The following KCNB2 variants were observed in gnomAD, a reference collection of about 807,000 sequenced individuals.
The protein encoded by KCNB2 is potassium voltage-gated channel subfamily B member 2.
In KCNB2, 15 loss-of-function variants were observed where a neutral mutation model predicts 61.5. The observed-to-expected ratio is 0.24, with a 90% CI of 0.16 to 0.38. The LOEUF (loss-of-function observed/expected upper bound fraction) is 0.38, where lower values mean the gene tolerates loss of function less well. Among genes scored for constraint, KCNB2 ranks in the 10% least tolerant of loss-of-function variants. The pLI is 1.00. For synonymous variants in KCNB2, 457 were observed against 446.0 expected (o/e 1.02, Z -0.31); for missense variants, 828 against 1,125.2 (o/e 0.74, Z 3.78).
rs572985273 is a variant in KCNB2, at chr8:72,570,724, A to G, written c.579+2411A>G. Among the ~76,000 whole-genome samples, 717 of 152,310 alleles carry G rather than the reference A, an allele frequency of 4.7e-3. 7 individuals carry two copies. Among genetic ancestry groups the G allele is most frequent in the African/African-American group, 0.016 (676 of 41,574 alleles). On this transcript the variant is annotated intron_variant, in intron 2 of 2. Transcript: ENST00000523207. ...ACTATTTACTTTATTGTATGGGTAC[A>G]TCAGGCTATTTTCTATGTTGTGAAG...
rs558147679 is a variant in KCNB2, at chr8:72,621,110, G to A, written c.579+52797G>A. ...ATATGAGTCTTCACTTTTGATACAA[G>A]AAATAAGATCACAAGTTTATGGGAA... On this transcript the variant is annotated intron_variant, in intron 2 of 2. Transcript: ENST00000523207. Among the ~76,000 whole-genome samples the A allele has an allele frequency of 4.7e-4, 71 of 152,240 alleles. No homozygotes were observed. The South Asian group carries it at 0.014, about 31-fold the overall frequency.
At chr8:72,670,061 G>T (rs1211216606) in intron 2 of KCNB2, among the ~76,000 whole-genome samples, 1 of 152,134 alleles carries the variant, frequency 6.6e-6, no homozygotes, top group Non-Finnish European at 1.5e-5. Flanking sequence ...TTCATTAGTA[G>T]CATAAGGACA....
intron 2 of KCNB2, among the ~76,000 whole-genome samples, chr8:72,896,999 T>C (rs1021484354): frequency 2.6e-5 from 4 of 152,166 alleles, no homozygotes; most frequent in African/African-American, 9.7e-5. Flanking sequence ...AAATACAGAC[T>C]AGGGTTGTGC....
At chr8:72,847,588 G>A (rs1810017448) in intron 2 of KCNB2, among the ~76,000 whole-genome samples, 1 of 152,158 alleles carries the variant, frequency 6.6e-6, no homozygotes. Context: ...CCAAGGATGG[G>A]AAATCACTTT....
intron 2 of KCNB2, among the ~76,000 whole-genome samples, chr8:72,866,082 T>G (rs1805512029): frequency 6.6e-6 from 1 of 152,212 alleles, no homozygotes; most frequent in Non-Finnish European, 1.5e-5. Flanking sequence ...ATTCAGATGT[T>G]GGAAATGAGG....
At chr8:72,778,337 C>T (rs1160436218) in intron 2 of KCNB2, among the ~76,000 whole-genome samples, 2 of 152,046 alleles carry the variant, frequency 1.3e-5, no homozygotes, top group Non-Finnish European at 2.9e-5. Flanking sequence ...CCAATCCTTT[C>T]GGTGCAGCAG....
intron 2 of KCNB2, among the ~76,000 whole-genome samples, chr8:72,852,863 G>A (rs928280746): frequency 6.6e-6 from 1 of 152,160 alleles, no homozygotes; most frequent in Non-Finnish European, 1.5e-5. Flanking sequence ...ATAAATCTGT[G>A]ATCATAACAC....
intron 2 of KCNB2, among the ~76,000 whole-genome samples, chr8:72,660,407 C>T (rs1806359819): frequency 6.6e-6 from 1 of 152,186 alleles, no homozygotes; most frequent in Admixed American, 6.5e-5. Context: ...GATGCTGGAC[C>T]TGACTTCCTG....
intron 2 of KCNB2, among the ~76,000 whole-genome samples, chr8:72,840,630 G>A (rs1440034904): frequency 6.6e-6 from 1 of 152,130 alleles, no homozygotes; most frequent in Non-Finnish European, 1.5e-5. Context: ...TCTCATTGTG[G>A]TTTTGATTTG....
intron 2 of KCNB2, among the ~76,000 whole-genome samples, chr8:72,628,156 G>A (rs527367122): frequency 6.6e-6 from 1 of 152,098 alleles, no homozygotes; most frequent in African/African-American, 2.4e-5. Context: ...GTTTTGGCAT[G>A]TTGCCCAGGC....
At chr8:72,752,209 T>C (rs1347580877) in intron 2 of KCNB2, among the ~76,000 whole-genome samples, 2 of 152,146 alleles carry the variant, frequency 1.3e-5, no homozygotes, top group African/African-American at 2.4e-5. Context: ...AAAATGGCTG[T>C]AAAATAAAGC....
At chr8:72,710,515 T>C (rs1424383371) in intron 2 of KCNB2, among the ~76,000 whole-genome samples, 1 of 152,124 alleles carries the variant, frequency 6.6e-6, no homozygotes, top group Non-Finnish European at 1.5e-5. Context: ...TATGTGTGTG[T>C]TGAGGAAGAG....
chr8:72,561,775 A>G (rs1199362081), intron 1 of KCNB2, among the ~76,000 whole-genome samples: 2,599 of 27,260 alleles, frequency 0.095, 452 homozygotes, highest in Admixed American at 0.19. Flanking sequence ...ATATATATAT[A>G]TGGATATATA....
At chr8:72,664,485 C>A (rs1806434547) in intron 2 of KCNB2, among the ~76,000 whole-genome samples, 1 of 152,226 alleles carries the variant, frequency 6.6e-6, no homozygotes, top group African/African-American at 2.4e-5. Flanking sequence ...TAATGGCCTG[C>A]TGGCGAGGGT....
chr8:72,792,091 G>A (rs997087615), intron 2 of KCNB2, among the ~76,000 whole-genome samples: 25 of 152,218 alleles, frequency 1.6e-4, no homozygotes, highest in African/African-American at 5.8e-4. Flanking sequence ...TTTAGCAGCA[G>A]TAAATGGGGC....
At position 72,546,237 on chromosome 8, in the gene KCNB2, C is replaced by T. The variant is rs534837437; in HGVS notation, c.-94+8352C>T. Among the ~76,000 whole-genome samples, 31 of 152,030 alleles carry T rather than the reference C, an allele frequency of 2.0e-4. No homozygotes were observed. In the South Asian group the frequency reaches 4.8e-3, roughly 23 times the overall value. On this transcript the variant is annotated intron_variant, in intron 1 of 2. Coordinates refer to ENST00000523207, the MANE Select transcript of KCNB2 (RefSeq NM_004770.3). ...CGTGATACAAAAGTGCAAGGTGGGC[C>T]GGGCGCAGTGGCTCACGCCTGTAAT...
At chr8:72,869,532 C>T (rs763512004) in intron 2 of KCNB2, among the ~76,000 whole-genome samples, 10 of 151,872 alleles carry the variant, frequency 6.6e-5, no homozygotes, top group Admixed American at 2.0e-4. Context: ...AATTTAAAAA[C>T]GGACAAAAGA....
At chr8:72,746,381 C>T (rs1369879225) in intron 2 of KCNB2, among the ~76,000 whole-genome samples, 6 of 152,126 alleles carry the variant, frequency 3.9e-5, no homozygotes, top group Non-Finnish European at 8.8e-5. Flanking sequence ...TGAGAGTGGT[C>T]ATAAATAGAA....
At chr8:72,926,102 G>A (rs186095101) in intron 2 of KCNB2, among the ~76,000 whole-genome samples, 1 of 152,316 alleles carries the variant, frequency 6.6e-6, no homozygotes, top group Non-Finnish European at 1.5e-5. Context: ...TCAGGGCTGG[G>A]GGTTGGGGGA....
Sources: gnomAD v4.1 joint callset for allele counts (sites outside exome capture counted in the v4.1 genomes callset) on GRCh38, gnomAD v4.1.1 for gene constraint, MANE v1.5 for transcripts, NCBI Gene and HGNC (gene_info 2026-07-23, HGNC 2026-07-21) for gene names.